The following LCORL variants were observed in gnomAD, a reference collection of about 807,000 sequenced individuals.
LCORL encodes ligand dependent nuclear receptor corepressor like.
A neutral mutation model predicts 141.8 loss-of-function variants in LCORL; 41 were observed. That is an observed-to-expected ratio of 0.29 (90% confidence interval 0.23 to 0.38). LCORL has a LOEUF of 0.38. Among genes scored for constraint, LCORL ranks in the 10% least tolerant of loss-of-function variants. The pLI is 1.00. For synonymous variants in LCORL, 618 were observed against 694.1 expected (o/e 0.89, Z 1.72); for missense variants, 1,759 against 2,035.0 (o/e 0.86, Z 2.61).
chr4:17,940,937 C>T (rs2707450), intron 4 of LCORL, among the ~76,000 whole-genome samples: 110,762 of 152,088 alleles, frequency 0.73, 40,569 homozygotes, highest in South Asian at 0.85. Context: ...GTTGCAATTA[C>T]GAAATGTTAT....
chr4:17,941,374 G>C (rs888470046), intron 4 of LCORL, among the ~76,000 whole-genome samples: 23 of 151,958 alleles, frequency 1.5e-4, no homozygotes, highest in Non-Finnish European at 1.0e-4. Flanking sequence ...CAGGAGAATG[G>C]TGTGAACTCG....
intron 6 of LCORL, chr4:17,881,472 AT>A (rs1386318624): frequency 2.3e-6 from 2 of 865,750 alleles, no homozygotes; most frequent in African/African-American, 3.7e-5. Flanking sequence ...CTATCAAAAA[AT>A]ATTTTAATTT....
chr4:17,936,890 A>G (rs1046844513), intron 4 of LCORL, among the ~76,000 whole-genome samples: 1 of 152,174 alleles, frequency 6.6e-6, no homozygotes, highest in Non-Finnish European at 1.5e-5. Flanking sequence ...GGAAGTTCCT[A>G]ATCACCACCA....
chr4:18,021,790 A>T lies in LCORL; in HGVS notation c.-39T>A. ...CACGCGCCCTCATTTACATACGAGC[A>T]GCGCAGGCACGAGGCAGGGGCGCGA... On this transcript the variant is annotated 5_prime_UTR_variant, in exon 1 of 8. Coordinates refer to ENST00000635767, the Ensembl canonical transcript of LCORL. The surrounding 1 kb of genome is among the most constrained non-coding windows in gnomAD (Gnocchi z 5.5). 1 of 1,446,426 alleles carries T rather than the reference A, an allele frequency of 6.9e-7. No individual in the cohort carries two copies. Among genetic ancestry groups the T allele is most frequent in the Non-Finnish European group, 9.0e-7 (1 of 1,107,562 alleles). 89.6% of individuals were successfully genotyped at this position (1,446,426 alleles called of 1,614,324 possible).
intron 5 of LCORL, among the ~76,000 whole-genome samples, chr4:17,903,110 T>C (rs1038286223): frequency 1.3e-5 from 2 of 152,108 alleles, no homozygotes; most frequent in African/African-American, 4.8e-5. Context: ...ATTTTAGTTA[T>C]CTGTGGCGTC....
chr4:17,959,710 C>T (rs180783508), intron 4 of LCORL, among the ~76,000 whole-genome samples: 221 of 152,056 alleles, frequency 1.5e-3, no homozygotes, highest in Non-Finnish European at 2.5e-3. Context: ...GATCAACATG[C>T]ACATGTTCCT....
Position 17,884,543 on chromosome 4 carries a change from T to A in LCORL, c.776+1525A>T. 1 of 1,534,988 alleles carries A rather than the reference T, an allele frequency of 6.5e-7. No individual in the cohort carries two copies. The highest frequency in any genetic ancestry group is 1.2e-5 in the South Asian group (1 of 81,912). The stretch of plus-strand genomic sequence containing the variant: ...CTTATATGAATAACTATCATGGAAA[T>A]CTCGAGTTTTGTTTTTAAAAGATGC... On this transcript the variant is annotated intron_variant, in intron 6 of 7. Transcript: ENST00000635767. The surrounding 1 kb of genome is among the most constrained non-coding windows in gnomAD (Gnocchi z 4.4).
intron 5 of LCORL, chr4:17,893,423 A>C (rs1729409424): frequency 1.0e-6 from 1 of 982,694 alleles, no homozygotes; most frequent in Non-Finnish European, 1.2e-6. Context: ...TAGTAACATA[A>C]GGATGTCAAA....
At chr4:17,922,446 A>G (rs1023638712) in intron 4 of LCORL, among the ~76,000 whole-genome samples, 7 of 152,168 alleles carry the variant, frequency 4.6e-5, no homozygotes, top group African/African-American at 1.7e-4. Flanking sequence ...ATTTGACCAT[A>G]TGTAAAGAAC....
At chr4:17,912,409 G>A in intron 4 of LCORL, 1 of 623,712 alleles carries the variant, frequency 1.6e-6, no homozygotes, top group Non-Finnish European at 3.1e-6. Context: ...GGAGGTAGAT[G>A]CCACTAAATC....
intron 4 of LCORL, among the ~76,000 whole-genome samples, chr4:17,943,968 G>A (rs1285031536): frequency 6.6e-6 from 1 of 152,124 alleles, no homozygotes; most frequent in African/African-American, 2.4e-5. Flanking sequence ...GCTTAATGAA[G>A]CTACCCACCC....
At chr4:17,993,998 AG>A (rs1720488215) in intron 1 of LCORL, among the ~76,000 whole-genome samples, 1 of 152,182 alleles carries the variant, frequency 6.6e-6, no homozygotes, top group African/African-American at 2.4e-5. Context: ...CACTAAGACA[AG>A]AAATTCATGA....
rs74924815 is a variant in LCORL, at chr4:17,987,353, G to T, written c.155-14468C>A. On this transcript the variant is annotated intron_variant, in intron 1 of 7. Transcript: ENST00000635767. ...TCTGGCTTCTTTCACTGAGCATAAT[G>T]TGTCTGAGATTCATCATGTTGTAGC... is the stretch of plus-strand genomic sequence containing the variant. Among the ~76,000 whole-genome samples, 270 of 152,232 alleles carry T rather than the reference G, an allele frequency of 1.8e-3. 1 individual carries two copies. The highest frequency in any genetic ancestry group is 6.3e-3 in the African/African-American group (263 of 41,532).
At chr4:17,867,166 T>C (rs973793456) in intron 7 of LCORL, 1 of 160,182 alleles carries the variant, frequency 6.2e-6, no homozygotes, top group South Asian at 2.0e-4. Context: ...AAATACATTG[T>C]ATTGTGTTGA....
At chr4:17,957,305 C>T (rs542354874) in intron 4 of LCORL, among the ~76,000 whole-genome samples, 1 of 152,094 alleles carries the variant, frequency 6.6e-6, no homozygotes, top group Admixed American at 6.6e-5. Flanking sequence ...TGCCAGTTGC[C>T]TCCTTATGTT....
chr4:17,949,748 T>C, intron 4 of LCORL, among the ~76,000 whole-genome samples: 1 of 152,118 alleles, frequency 6.6e-6, no homozygotes, highest in East Asian at 1.9e-4. Context: ...TCACACTGTA[T>C]TTATAGTGTA....
rs1255264905 is a variant in LCORL at position 17,924,392 on chromosome 4, C to T, written c.431-15047G>A. 2.6e-5 allele frequency among the ~76,000 whole-genome samples: 4 copies of T among 152,290 alleles called. No homozygotes were observed. In the South Asian group the frequency reaches 8.3e-4, roughly 32 times the overall value. ...GGGTTTAGCAACATGGACTTCCAATCACCAAGGCTGACCTGGCTACGGCCA... is the reference window on the plus strand; with the variant it reads ...GGGTTTAGCAACATGGACTTCCAATTACCAAGGCTGACCTGGCTACGGCCA... On this transcript the variant is annotated intron_variant, in intron 4 of 7. Transcript: ENST00000635767.
chr4:17,986,685 T>TA (rs1220245946), intron 1 of LCORL, among the ~76,000 whole-genome samples: 5 of 152,182 alleles, frequency 3.3e-5, no homozygotes, highest in Non-Finnish European at 7.4e-5. Context: ...TTGTGATTCT[T>TA]AGTTTCTGTT....
At chr4:17,850,687 A>G (rs1723557896) in intron 7 of LCORL, among the ~76,000 whole-genome samples, 1 of 150,976 alleles carries the variant, frequency 6.6e-6, no homozygotes, top group East Asian at 1.9e-4. Flanking sequence ...GTGGGACTGT[A>G]AACTAGTTCA....
Sources: allele counts gnomAD v4.1 joint callset (sites outside exome capture counted in the v4.1 genomes callset), GRCh38; gene constraint gnomAD v4.1.1; non-coding constraint Gnocchi (gnomAD v3.1); transcripts MANE v1.5; gene names NCBI Gene and HGNC (gene_info 2026-07-23, HGNC 2026-07-21).